The following IL16 variants were observed in gnomAD, a reference collection of about 807,000 sequenced individuals.
IL16 encodes interleukin 16.
Under a neutral mutation model 110.1 loss-of-function variants are expected in IL16, and 67 were observed. That is an observed-to-expected ratio of 0.61 (90% CI 0.50 to 0.75). The LOEUF (loss-of-function observed/expected upper bound fraction) is 0.75, where lower values mean the gene tolerates loss of function less well. Among genes scored for constraint, IL16 ranks in the 30% least tolerant of loss-of-function variants. The pLI, the probability that IL16 is intolerant of heterozygous loss-of-function variation, is 0.00. For synonymous variants in IL16, 689 were observed against 662.9 expected, an observed-to-expected ratio of 1.04 and a Z score of -0.61; for missense variants, 1,545 against 1,655.0, an observed-to-expected ratio of 0.93 and a Z score of 1.15.
Position 81,303,621 on chromosome 15 carries a change from G to C in IL16, c.3391G>C (p.Gly1131Arg). Reference protein sequence around the residue: ...GAGLGFSLAGGADLENKVITV... With the variant: ...GAGLGFSLAGRADLENKVITV... ...TGGTCTTGGGTTCAGCTTGGCAGGA[G>C]GAGCAGATCTAGAAAACAAGGTGAT... The change falls in exon 16 of 19, where the codon GGA becomes CGA. Residue 1131 changes from glycine (G) to arginine (R), a missense_variant. Coordinates refer to ENST00000683961, the MANE Select transcript of IL16 (RefSeq NM_172217.5). This position sits in a 1 kb window ranked among gnomAD's most constrained non-coding sequence, Gnocchi z 4.1. The C allele has an allele frequency of 6.2e-7, 1 of 1,613,682 alleles. No individual in the cohort carries two copies. Among genetic ancestry groups the C allele is most frequent in the Non-Finnish European group, 8.5e-7 (1 of 1,179,536 alleles).
At chr15:81,230,351 G>A (rs1896929347) in intron 2 of IL16, among the ~76,000 whole-genome samples, 1 of 152,164 alleles carries the variant, frequency 6.6e-6, no homozygotes, top group Non-Finnish European at 1.5e-5. Flanking sequence ...CCAAATGGAA[G>A]GCAGCTCAGT....
At chr15:81,306,927 TA>T (rs1344369911) in intron 18 of IL16, 1 of 307,722 alleles carries the variant, frequency 3.2e-6, no homozygotes, top group South Asian at 2.9e-5. Context: ...AAATTAATTT[TA>T]AAAAAACATG....
At chr15:81,270,298 G>A (rs774593358) in intron 5 of IL16, among the ~76,000 whole-genome samples, 3 of 152,246 alleles carry the variant, frequency 2.0e-5, no homozygotes, top group Non-Finnish European at 2.9e-5. Context: ...CACCTTGTGC[G>A]TGAGGTTGAC....
intron 2 of IL16, among the ~76,000 whole-genome samples, chr15:81,244,708 CTG>C (rs1331142612): frequency 1.1e-4 from 16 of 152,108 alleles, no homozygotes; most frequent in African/African-American, 3.9e-4. Flanking sequence ...CTTCTTGAAT[CTG>C]TAATTTCATC....
chr15:81,233,550 G>A (rs950387058), intron 2 of IL16, among the ~76,000 whole-genome samples: 3 of 150,936 alleles, frequency 2.0e-5, no homozygotes, highest in South Asian at 2.1e-4. Flanking sequence ...AATGTATTGC[G>A]AATGATTTTA....
chr15:81,243,161 ATATTTTTTT>A (rs1897401121), intron 2 of IL16, among the ~76,000 whole-genome samples: 1 of 27,790 alleles, frequency 3.6e-5, no homozygotes, highest in African/African-American at 1.1e-4. Flanking sequence ...ATATATATAT[ATATTTTTTT>A]TTTTTTTTTT....
At chr15:81,247,885 C>G (rs1897623685) in intron 2 of IL16, among the ~76,000 whole-genome samples, 1 of 152,192 alleles carries the variant, frequency 6.6e-6, no homozygotes, top group South Asian at 2.1e-4. Flanking sequence ...GTGGGTCATT[C>G]CAGTTATTCA....
intron 2 of IL16, among the ~76,000 whole-genome samples, chr15:81,241,344 T>C (rs1169544243): frequency 1.3e-5 from 2 of 152,046 alleles, no homozygotes; most frequent in African/African-American, 4.8e-5. Flanking sequence ...GACTTGAAAG[T>C]TTGATACTGC....
intron 12 of IL16, chr15:81,295,275 A>G (rs1228168410): frequency 4.1e-6 from 3 of 731,948 alleles, no homozygotes; most frequent in Non-Finnish European, 5.3e-6. Flanking sequence ...TCCACCAAGC[A>G]TGGTTCCAGG....
At chr15:81,262,297 A>C (rs1026930352) in intron 3 of IL16, among the ~76,000 whole-genome samples, 4 of 152,122 alleles carry the variant, frequency 2.6e-5, no homozygotes, top group African/African-American at 9.7e-5. Context: ...AAGGTGTTTT[A>C]ATCTTTATGT....
At chr15:81,290,202 G>A (rs1014409487) in intron 10 of IL16, among the ~76,000 whole-genome samples, 14 of 152,354 alleles carry the variant, frequency 9.2e-5, no homozygotes, top group Admixed American at 9.1e-4. Context: ...GTAGTGGGGA[G>A]AAGGTTGGAG....
chr15:81,289,300 A>G (rs894485135), intron 10 of IL16, among the ~76,000 whole-genome samples: 2 of 151,910 alleles, frequency 1.3e-5, no homozygotes, highest in Non-Finnish European at 2.9e-5. Flanking sequence ...TGCACAGGCT[A>G]ATTTTTGTAT....
rs184772856 is a variant in IL16, at chr15:81,230,036, A to G, written c.312+4325A>G. 3.8e-3 allele frequency among the ~76,000 whole-genome samples: 573 copies of G among 152,252 alleles called. 4 individuals carry two copies. Among genetic ancestry groups the G allele is most frequent in the Middle Eastern group, 0.01 (3 of 294 alleles). On this transcript the variant is annotated intron_variant, in intron 2 of 18. Transcript: ENST00000683961. ...AAAAGACTGGGTAAATTAATGCCCC[A>G]GGATGTGCCAAAGCGGGGCATGGGC...
chr15:81,204,881 A>C (rs539459832), intron 1 of IL16, among the ~76,000 whole-genome samples: 1 of 152,298 alleles, frequency 6.6e-6, no homozygotes, highest in South Asian at 2.1e-4. Flanking sequence ...ATGGAGTTCA[A>C]GATAGGGCAG....
chr15:81,285,903 T>C, intron 10 of IL16, 73 bp downstream of exon 10: 3 of 1,503,516 alleles, frequency 2.0e-6, no homozygotes, highest in African/African-American at 2.8e-5. Context: ...AAGAAATAGA[T>C]GAAAACAGAG....
chr15:81,266,061 A>G (rs1898370739), intron 4 of IL16, among the ~76,000 whole-genome samples: 1 of 152,276 alleles, frequency 6.6e-6, no homozygotes, highest in Non-Finnish European at 1.5e-5. Context: ...AAGAGCTAAC[A>G]TGTAGAGAAC....
chr15:81,215,276 T>C (rs1896384134), intron 1 of IL16, among the ~76,000 whole-genome samples: 1 of 152,228 alleles, frequency 6.6e-6, no homozygotes, highest in Non-Finnish European at 1.5e-5. Flanking sequence ...TGTAAGTTGA[T>C]TATACTTAGT....
chr15:81,257,701 G>A (rs527748508), intron 2 of IL16, among the ~76,000 whole-genome samples: 7 of 152,294 alleles, frequency 4.6e-5, no homozygotes, highest in Non-Finnish European at 1.0e-4. Flanking sequence ...TGCACCAGGT[G>A]CTGGGTTCTG....
intron 1 of IL16, among the ~76,000 whole-genome samples, chr15:81,201,567 G>A (rs1895815165): frequency 1.3e-5 from 2 of 151,748 alleles, no homozygotes; most frequent in African/African-American, 4.8e-5. Context: ...TCATATTTTG[G>A]GTTTCTTTGT....
Sources: allele counts gnomAD v4.1 joint callset (sites outside exome capture counted in the v4.1 genomes callset), GRCh38; gene constraint gnomAD v4.1.1; non-coding constraint Gnocchi (gnomAD v3.1); transcripts MANE v1.5; gene names NCBI Gene and HGNC (gene_info 2026-07-23, HGNC 2026-07-21).